The following MGAT4C variants were observed in gnomAD, a reference collection of about 807,000 sequenced individuals.
The protein encoded by MGAT4C is MGAT4 family member C.
A neutral mutation model predicts 40.1 loss-of-function variants in MGAT4C; 19 were observed. The ratio of observed to expected loss-of-function variants is 0.47; its 90% CI spans 0.33 to 0.70. The LOEUF (loss-of-function observed/expected upper bound fraction) is 0.70, where lower values mean the gene tolerates loss of function less well. Among genes scored for constraint, MGAT4C ranks in the 30% least tolerant of loss-of-function variants. The probability of loss-of-function intolerance (pLI) is 0.02; values close to 1 mark genes in which losing one functional copy is unlikely to be tolerated. For missense variants in MGAT4C, 491 were observed against 563.2 expected, an observed-to-expected ratio of 0.87 and a Z score of 1.30; for synonymous variants, 181 against 187.1, an observed-to-expected ratio of 0.97 and a Z score of 0.27.
chr12:86,745,530 G>C (rs2136135383), intron 1 of MGAT4C, among the ~76,000 whole-genome samples: 1 of 151,550 alleles, frequency 6.6e-6, no homozygotes, highest in East Asian at 2.0e-4. Context: ...AAGTTTCAAA[G>C]GAAGTTAAAC....
At chr12:86,536,583 T>G (rs1286080374) in intron 2 of MGAT4C, among the ~76,000 whole-genome samples, 1 of 152,086 alleles carries the variant, frequency 6.6e-6, no homozygotes, top group Non-Finnish European at 1.5e-5. Flanking sequence ...CTTTAAGCAT[T>G]CAGGTAGTAA....
intron 2 of MGAT4C, among the ~76,000 whole-genome samples, chr12:86,446,230 T>C (rs565112283): frequency 6.6e-6 from 1 of 152,014 alleles, no homozygotes; most frequent in Non-Finnish European, 1.5e-5. Context: ...CAAGGACCCA[T>C]TTTTTCCTGA....
chr12:86,058,064 G>A (rs1429938078), intron 1 of MGAT4C, among the ~76,000 whole-genome samples: 1 of 152,018 alleles, frequency 6.6e-6, no homozygotes, highest in Non-Finnish European at 1.5e-5. Flanking sequence ...TTATAAAAGA[G>A]AGAGTAAATA....
chr12:86,505,544 TC>T (rs1252172221), intron 2 of MGAT4C, among the ~76,000 whole-genome samples: 1 of 152,214 alleles, frequency 6.6e-6, no homozygotes, highest in East Asian at 1.9e-4. Flanking sequence ...AAATTCTTTC[TC>T]ATCTGTTTAT....
chr12:86,645,085 A>T (rs1963500817), intron 2 of MGAT4C, among the ~76,000 whole-genome samples: 1 of 151,546 alleles, frequency 6.6e-6, no homozygotes. Flanking sequence ...GTACAAAATC[A>T]TATCTATATA....
chr12:86,558,946 C>T (rs1959738069), intron 2 of MGAT4C, among the ~76,000 whole-genome samples: 1 of 151,776 alleles, frequency 6.6e-6, no homozygotes, highest in African/African-American at 2.4e-5. Flanking sequence ...AAACAATGCG[C>T]CAACTACATG....
At chr12:86,315,126 C>T (rs556338793) in intron 4 of MGAT4C, among the ~76,000 whole-genome samples, 1 of 152,070 alleles carries the variant, frequency 6.6e-6, no homozygotes, top group South Asian at 2.1e-4. Flanking sequence ...TATAATGCCA[C>T]AGTATCAAAA....
At chr12:86,814,691 G>A (rs1952566388) in intron 1 of MGAT4C, among the ~76,000 whole-genome samples, 1 of 151,758 alleles carries the variant, frequency 6.6e-6, no homozygotes, top group African/African-American at 2.4e-5. Context: ...TTCCAAGGTC[G>A]AGCTTTTGGG....
chr12:86,226,468 G>A (rs1951079601), intron 1 of MGAT4C, among the ~76,000 whole-genome samples: 1 of 151,688 alleles, frequency 6.6e-6, no homozygotes, highest in Non-Finnish European at 1.5e-5. Flanking sequence ...ACCCCCCACT[G>A]GTAAAACTTA....
intron 1 of MGAT4C, among the ~76,000 whole-genome samples, chr12:86,769,483 A>T (rs1452400595): frequency 6.6e-6 from 1 of 152,218 alleles, no homozygotes; most frequent in Non-Finnish European, 1.5e-5. Context: ...TAGAACTAGA[A>T]ATACCATTTG....
intron 1 of MGAT4C, among the ~76,000 whole-genome samples, chr12:86,183,078 T>C (rs980105292): frequency 5.9e-5 from 9 of 152,186 alleles, no homozygotes; most frequent in African/African-American, 1.9e-4. Context: ...CATGTTCAGT[T>C]TTGCCAGGCT....
intron 4 of MGAT4C, among the ~76,000 whole-genome samples, chr12:86,320,662 G>A (rs1422937731): frequency 3.9e-5 from 6 of 151,938 alleles, no homozygotes; most frequent in African/African-American, 1.4e-4. Context: ...TCAGTGGCAG[G>A]GCTGGGATTT....
intron 1 of MGAT4C, among the ~76,000 whole-genome samples, chr12:86,246,828 C>T (rs1392333137): frequency 6.6e-6 from 1 of 152,170 alleles, no homozygotes; most frequent in Non-Finnish European, 1.5e-5. Context: ...GGACTCCTTG[C>T]TATCTAATAT....
chr12:86,795,730 C>A lies in MGAT4C; in HGVS notation c.-262+42936G>T, dbSNP rs562698448. Among the ~76,000 whole-genome samples, 113 of 151,884 alleles carry A rather than the reference C, an allele frequency of 7.4e-4. 1 individual carries two copies. Among genetic ancestry groups the A allele is most frequent in the Admixed American group, 1.6e-3 (24 of 15,192 alleles). ...TTGCTTGATATAAACCTGCTTCTAT[C>A]CATCTACTTCCCCACAAACCTGTTC... On this transcript the variant is annotated intron_variant, in intron 1 of 7. Coordinates refer to the MGAT4C transcript ENST00000548651.
At chr12:86,665,100 T>C (rs1290786632) in intron 2 of MGAT4C, among the ~76,000 whole-genome samples, 4 of 152,058 alleles carry the variant, frequency 2.6e-5, no homozygotes, top group Admixed American at 2.6e-4. Context: ...TTTAACTTTA[T>C]TAAAATTAGA....
At chr12:86,059,683 T>C (rs1328788777) in intron 1 of MGAT4C, among the ~76,000 whole-genome samples, 1 of 152,162 alleles carries the variant, frequency 6.6e-6, no homozygotes, top group Non-Finnish European at 1.5e-5. Context: ...AGTAGGCAGA[T>C]CTTTTAGCAC....
rs563323369 is a variant in MGAT4C at position 86,086,193 on chromosome 12, C to T, written c.-56-36470G>A. Among the ~76,000 whole-genome samples the T allele has an allele frequency of 4.4e-3, 662 of 152,084 alleles. 2 individuals are homozygous for T. The highest frequency in any genetic ancestry group is 9.4e-3 in the Admixed American group (144 of 15,244). ...AAGAAAATGTGGCACATATACACCA[C>T]GGAATACTATGCAGCCATAAAAAGA... On this transcript the variant is annotated intron_variant, in intron 1 of 4. Coordinates refer to ENST00000611864, the MANE Select transcript of MGAT4C (RefSeq NM_001351288.2).
chr12:86,494,271 C>T (rs1958195017), intron 2 of MGAT4C, among the ~76,000 whole-genome samples: 2 of 151,744 alleles, frequency 1.3e-5, no homozygotes, highest in Non-Finnish European at 2.9e-5. Context: ...TTTATTGTTA[C>T]TGTTTATATC....
chr12:86,819,620 CTT>C (rs962283297), intron 1 of MGAT4C, among the ~76,000 whole-genome samples: 1 of 150,692 alleles, frequency 6.6e-6, no homozygotes, highest in African/African-American at 2.4e-5. Context: ...ATGTTTAAAA[CTT>C]TTATTTTGCC....
Sources: gnomAD v4.1 joint callset for allele counts (sites outside exome capture counted in the v4.1 genomes callset) on GRCh38, gnomAD v4.1.1 for gene constraint, MANE v1.5 for transcripts, NCBI Gene and HGNC (gene_info 2026-07-23, HGNC 2026-07-21) for gene names.